The following LAMB4 variants were observed in gnomAD, a reference collection of about 807,000 sequenced individuals.
The protein encoded by LAMB4 is laminin subunit beta 4.
LAMB4 carries 196 observed loss-of-function variants against 199.2 expected under a neutral mutation model. The observed-to-expected ratio is 0.98, with a 90% CI of 0.88 to 1.11. The LOEUF is 1.11. Among genes scored for constraint, LAMB4 ranks in the 50% least tolerant of loss-of-function variants. The probability of loss-of-function intolerance (pLI) is 0.00; values close to 1 mark genes in which losing one functional copy is unlikely to be tolerated. For missense variants in LAMB4, 2,080 were observed against 2,171.2 expected, an observed-to-expected ratio of 0.96 and a Z score of 0.83; for synonymous variants, 744 against 770.6, an observed-to-expected ratio of 0.97 and a Z score of 0.57.
At chr7:108,021,464 C>T (rs2034691019), downstream of LAMB4, among the ~76,000 whole-genome samples, 1 of 152,156 alleles carries the variant, frequency 6.6e-6, no homozygotes, top group South Asian at 2.1e-4. Flanking sequence ...AATCACAGCA[C>T]TTTGGGAGGC....
At chr7:108,033,843 G>A (rs2035132279) in intron 31 of LAMB4, among the ~76,000 whole-genome samples, 1 of 146,512 alleles carries the variant, frequency 6.8e-6, no homozygotes, top group Non-Finnish European at 1.5e-5. Context: ...TGGTTTTTGT[G>A]AGCTTTTAAA....
At chr7:108,106,451 A>T in intron 7 of LAMB4, 58 bp downstream of exon 7, 1 of 1,020,492 alleles carries the variant, frequency 9.8e-7, no homozygotes. Context: ...ATTACAAGGA[A>T]TATGCCAAAC....
At chr7:108,014,123 T>C in the LAMB4 span, among the ~76,000 whole-genome samples, 30 of 152,212 alleles carry the variant, frequency 2.0e-4, no homozygotes, top group African/African-American at 7.0e-4. Context: ...ATTCCAAAAT[T>C]ATAGGCAACC....
Position 108,055,923 on chromosome 7 carries a change from C to T in LAMB4, c.3464G>A (p.Gly1155Asp), listed in dbSNP as rs746462245. ...GMCRCREGVS[G>D]QRCDRCARGH... ...CCGGGCACAGCGATCACATCTCTGG[C>T]CGCTGACACCCTCCCGGCAGCGGCA... Residue 1155 changes from glycine to aspartate, a missense_variant, in exon 25 of 34, where the codon GGC (glycine) becomes GAC (aspartate). Physicochemically the swap from Gly to Asp is moderately conservative, Grantham distance 94. Coordinates refer to ENST00000388781, the MANE Select transcript of LAMB4 (RefSeq NM_007356.3). 3.7e-6 allele frequency: 6 copies of T among 1,614,186 alleles called. No individual in the cohort carries two copies. The highest frequency in any genetic ancestry group is 4.5e-5 in the East Asian group (2 of 44,888).
chr7:108,078,996 G>A (rs2036819307), intron 15 of LAMB4, among the ~76,000 whole-genome samples: 1 of 152,178 alleles, frequency 6.6e-6, no homozygotes. Flanking sequence ...CCCCCCTCCA[G>A]CCATATCAAA....
chr7:108,056,241 G>A (rs1029398876), intron 24 of LAMB4, among the ~76,000 whole-genome samples: 10 of 152,176 alleles, frequency 6.6e-5, no homozygotes, highest in Non-Finnish European at 1.0e-4. Flanking sequence ...AATATCAGAC[G>A]TTTTTATTGT....
At position 108,063,805 on chromosome 7, in the gene LAMB4, C is replaced by A. The variant is rs147260752; in HGVS notation, c.3017G>T (p.Cys1006Phe). Residue 1006 changes from cysteine (C) to phenylalanine (F), a missense_variant, in exon 22 of 34, where the codon TGC (cysteine) becomes TTC (phenylalanine). Coordinates refer to ENST00000388781, the MANE Select transcript of LAMB4 (RefSeq NM_007356.3). Reference protein sequence around the residue: ...HNTQGANCQLCKPGHYGSALN... With the variant: ...HNTQGANCQLFKPGHYGSALN... ...GGCTGATCCATAGTGACCTGGTTTG[C>A]AGAGCTGGCAGTTTGCGCCCTGAGT... is the stretch of plus-strand genomic sequence containing the variant. 6.2e-7 allele frequency: 1 copy of A among 1,614,078 alleles called. No individual in the cohort carries two copies. Among genetic ancestry groups the A allele is most frequent in the African/African-American group, 1.3e-5 (1 of 74,936 alleles).
intron 25 of LAMB4, among the ~76,000 whole-genome samples, chr7:108,055,226 G>A (rs916660290): frequency 8.2e-5 from 12 of 147,026 alleles, no homozygotes; most frequent in South Asian, 6.5e-4. Flanking sequence ...CACTCTTGTC[G>A]CCCAGGCTGC....
chr7:108,077,016 A>G lies in LAMB4; in HGVS notation c.2052T>C (p.Tyr684=), dbSNP rs2036728715. ...TPICLEPDVQ[Y]SIDVYFSQPL... is the part of the protein sequence containing the mutation. ...GCTGAGAAAAATAGACATCTATGGA[A>G]TATTGTACATCTGGTTCTAAACAGA... Residue 684 remains tyrosine (Y), a synonymous_variant, in exon 17 of 34, where the codon TAT becomes TAC. Coordinates refer to ENST00000388781, the MANE Select transcript of LAMB4 (RefSeq NM_007356.3). 6.2e-7 allele frequency: 1 copy of G among 1,613,880 alleles called. No homozygotes were observed. The highest frequency in any genetic ancestry group is 1.3e-5 in the African/African-American group (1 of 75,048).
In LAMB4 at chr7:108,066,600, G is replaced by A; in HGVS notation, c.2447C>T (p.Pro816Leu). 1.9e-6 allele frequency: 3 copies of A among 1,586,014 alleles called. No individual in the cohort carries two copies. The highest frequency in any genetic ancestry group is 2.6e-6 in the Non-Finnish European group (3 of 1,159,172). The change falls in exon 20 of 34, where the codon CCA (proline) becomes CTA (leucine). Residue 816 changes from proline to leucine, a missense_variant and splice_region_variant. By Grantham distance (98) the Pro-to-Leu change is moderately conservative. Coordinates refer to ENST00000388781, the MANE Select transcript of LAMB4 (RefSeq NM_007356.3). ...TGATCCTTGAGGATGGCAGTGACAT[G>A]CTGGATGAAGCAAAGAGAAGTATGC... is the stretch of plus-strand genomic sequence containing the variant. The part of the protein sequence containing the change: ...SYDLGHHGCH[P>L]CHCHPQGSKD...
chr7:108,085,468 C>T (rs975086423), intron 14 of LAMB4, among the ~76,000 whole-genome samples: 33 of 151,950 alleles, frequency 2.2e-4, no homozygotes, highest in African/African-American at 6.8e-4. Context: ...TGACATTGAA[C>T]GGCAAATAAC....
At chr7:108,050,835 A>G (rs1368789247) in intron 26 of LAMB4, among the ~76,000 whole-genome samples, 1 of 152,166 alleles carries the variant, frequency 6.6e-6, no homozygotes, top group Non-Finnish European at 1.5e-5. Context: ...TTCCCTGAAG[A>G]CTTTACTAAT....
intron 14 of LAMB4, 102 bp downstream of exon 14, chr7:108,091,524 T>A: frequency 7.5e-7 from 1 of 1,336,248 alleles, no homozygotes; most frequent in Non-Finnish European, 1.0e-6. Flanking sequence ...GGCAAAAGCA[T>A]TCTTTTCTAG....
chr7:108,106,428 A>G, intron 7 of LAMB4, 81 bp downstream of exon 7: 2 of 887,808 alleles, frequency 2.3e-6, no homozygotes, highest in African/African-American at 1.7e-5. Context: ...AAGAAAAAAA[A>G]AAAAGAAAAG....
intron 30 of LAMB4, among the ~76,000 whole-genome samples, chr7:108,036,478 G>A (rs770803254): frequency 1.3e-5 from 2 of 152,130 alleles, no homozygotes; most frequent in African/African-American, 2.4e-5. Context: ...GTGAGCCACC[G>A]TGCCCGGCCT....
chr7:108,043,980 AC>A, intron 28 of LAMB4, 84 bp from the exon 29 acceptor site: 1 of 1,162,216 alleles, frequency 8.6e-7, no homozygotes, highest in Non-Finnish European at 1.2e-6. Context: ...ACTTAGCTGG[AC>A]CAAATAAAAC....
intron 2 of LAMB4, among the ~76,000 whole-genome samples, chr7:108,118,410 C>G (rs531602043): frequency 6.6e-6 from 1 of 151,888 alleles, no homozygotes; most frequent in South Asian, 2.1e-4. Flanking sequence ...GAACAGACTG[C>G]GATTTTGGCA....
At chr7:108,055,504 GAAC>G (rs1184970717) in intron 25 of LAMB4, 125 bp downstream of exon 25, 1 of 1,025,662 alleles carries the variant, frequency 9.7e-7, no homozygotes. Flanking sequence ...GTTATTAACT[GAAC>G]AACTATCAGT....
chr7:108,024,254 A>C, intron 33 of LAMB4, 76 bp from the exon 34 acceptor site: 2 of 775,310 alleles, frequency 2.6e-6, no homozygotes, highest in Non-Finnish European at 3.8e-6. Flanking sequence ...TATACCAAAC[A>C]CAGGGATTTA....
Sources: allele counts gnomAD v4.1 joint callset (sites outside exome capture counted in the v4.1 genomes callset), GRCh38; gene constraint gnomAD v4.1.1; transcripts MANE v1.5; gene names NCBI Gene and HGNC (gene_info 2026-07-23, HGNC 2026-07-21).